Variants in UEVLD observed in about 807,000 individuals in gnomAD.
UEVLD encodes UEV and lactate/malate dehyrogenase domains, also known as ubiquitin-conjugating enzyme E2 variant 3.
Under a neutral mutation model 58.6 loss-of-function variants are expected in UEVLD, and 47 were observed. That is an observed-to-expected ratio of 0.80 (90% confidence interval 0.63 to 1.02). UEVLD has a LOEUF of 1.02. Among genes scored for constraint, UEVLD ranks in the 50% least tolerant of loss-of-function variants. UEVLD has a pLI of 0.00. For missense variants in UEVLD, 510 were observed against 550.6 expected, an observed-to-expected ratio of 0.93 and a Z score of 0.74; for synonymous variants, 197 against 195.3, an observed-to-expected ratio of 1.01 and a Z score of -0.07.
At chr11:18,575,032 AGTC>A (rs1852826983) in intron 3 of UEVLD, among the ~76,000 whole-genome samples, 1 of 152,208 alleles carries the variant, frequency 6.6e-6, no homozygotes, top group Non-Finnish European at 1.5e-5. Context: ...CTTTGAAAGA[AGTC>A]CCCCCAAAAT....
At chr11:18,536,659 T>C (rs1850810892) in intron 9 of UEVLD, 190 bp from the exon 10 acceptor site, 2 of 525,916 alleles carry the variant, frequency 3.8e-6, no homozygotes, top group African/African-American at 1.9e-5. Context: ...TGAGGAAAAC[T>C]CTGAACTACA....
intron 2 of UEVLD, 134 bp from the exon 3 acceptor site, chr11:18,575,546 C>T (rs1852863321): frequency 1.2e-6 from 1 of 807,778 alleles, no homozygotes. Context: ...TAAACATAAT[C>T]TAGGAATCGG....
At chr11:18,588,145 A>C (rs1421418147) in intron 1 of UEVLD, among the ~76,000 whole-genome samples, 1 of 152,214 alleles carries the variant, frequency 6.6e-6, no homozygotes, top group African/African-American at 2.4e-5. Context: ...GCTCACAGCA[A>C]GATTACGGTT....
intron 10 of UEVLD, among the ~76,000 whole-genome samples, chr11:18,536,195 T>A (rs1361977623): frequency 6.6e-6 from 1 of 152,242 alleles, no homozygotes; most frequent in African/African-American, 2.4e-5. Context: ...AAATGTCAAC[T>A]GTGTTATCTG....
At position 18,541,283 on chromosome 11, in the gene UEVLD, A is replaced by G. The variant is rs149735924; in HGVS notation, c.1060+3340T>C. Among the ~76,000 whole-genome samples the G allele has an allele frequency of 8.0e-3, 1,222 of 152,336 alleles. 5 individuals are homozygous for G. Among genetic ancestry groups the G allele is most frequent in the Non-Finnish European group, 0.012 (787 of 68,040 alleles). On this transcript the variant is annotated intron_variant, in intron 9 of 11. Transcript: ENST00000396197. The stretch of plus-strand genomic sequence containing the variant: ...ATCCAGTAGTTAAAAAGAATGAATG[A>G]GCTCTATGTTACTGTGCAATCATTC...
At chr11:18,537,324 A>ATATATTTTT (rs1160942409) in intron 9 of UEVLD, among the ~76,000 whole-genome samples, 1 of 131,572 alleles carries the variant, frequency 7.6e-6, no homozygotes, top group Non-Finnish European at 1.6e-5. Flanking sequence ...ATATATATAT[A>ATATATTTTT]TTTTTTTTTT....
intron 7 of UEVLD, among the ~76,000 whole-genome samples, chr11:18,556,497 A>G (rs1851762679): frequency 6.6e-6 from 1 of 152,218 alleles, no homozygotes; most frequent in African/African-American, 2.4e-5. Context: ...TGAGGCTTGT[A>G]ATACTGTATG....
intron 1 of UEVLD, among the ~76,000 whole-genome samples, chr11:18,584,009 T>C (rs1190122644): frequency 6.6e-6 from 1 of 152,138 alleles, no homozygotes; most frequent in Non-Finnish European, 1.5e-5. Flanking sequence ...CCGAGGTAAC[T>C]CAGCTGGAGG....
At chr11:18,586,507 G>C (rs749403527) in intron 1 of UEVLD, among the ~76,000 whole-genome samples, 1 of 151,988 alleles carries the variant, frequency 6.6e-6, no homozygotes, top group Non-Finnish European at 1.5e-5. Context: ...GTGAGCTACC[G>C]TGCCTGGCCT....
chr11:18,575,485 T>A, intron 2 of UEVLD, 73 bp from the exon 3 acceptor site: 1 of 1,410,302 alleles, frequency 7.1e-7, no homozygotes, highest in Non-Finnish European at 9.8e-7. Flanking sequence ...TATGTAAGTG[T>A]GCACATGTGT....
chr11:18,536,628 T>C, intron 9 of UEVLD, 159 bp from the exon 10 acceptor site: 1 of 598,594 alleles, frequency 1.7e-6, no homozygotes, highest in South Asian at 2.0e-5. Context: ...ACAATGAATG[T>C]GCTGTACCAC....
rs1182711003 is a variant in UEVLD at position 18,540,996 on chromosome 11, G to T, written c.1060+3627C>A. On this transcript the variant is annotated intron_variant, in intron 9 of 11. Transcript: ENST00000396197. ...AAGGTCATTTAATCAAATACAAACT[G>T]CTTTTTGGTAGGTTTTAAATTGTTC... is the stretch of plus-strand genomic sequence containing the variant. Among the ~76,000 whole-genome samples the T allele has an allele frequency of 3.9e-5, 6 of 152,156 alleles. No homozygotes were observed. In the East Asian group the frequency reaches 1.2e-3, roughly 29 times the overall value.
intron 8 of UEVLD, 93 bp from the exon 9 acceptor site, chr11:18,544,889 T>C: frequency 2.2e-6 from 2 of 925,560 alleles, no homozygotes; most frequent in Non-Finnish European, 3.0e-6. Flanking sequence ...ATAAGTATAT[T>C]AGGTCCTCAA....
intron 9 of UEVLD, among the ~76,000 whole-genome samples, chr11:18,537,327 T>A (rs35047705): frequency 0.61 from 81,859 of 133,392 alleles, 24,954 homozygotes; most frequent in Middle Eastern, 0.69. Context: ...TATATATATT[T>A]TTTTTTTTTT....
chr11:18,533,306 T>A (rs1161254391), intron 11 of UEVLD, among the ~76,000 whole-genome samples: 1 of 151,940 alleles, frequency 6.6e-6, no homozygotes. Context: ...AACCAACTGC[T>A]TTTCATTCTA....
At chr11:18,537,266 A>C (rs1433629773) in intron 9 of UEVLD, among the ~76,000 whole-genome samples, 1 of 150,842 alleles carries the variant, frequency 6.6e-6, no homozygotes, top group Non-Finnish European at 1.5e-5. Context: ...ATTTACAAAA[A>C]CAATTCAAAA....
At chr11:18,567,178 T>C (rs185470602) in intron 4 of UEVLD, among the ~76,000 whole-genome samples, 1 of 152,310 alleles carries the variant, frequency 6.6e-6, no homozygotes, top group African/African-American at 2.4e-5. Context: ...TTAACACTAA[T>C]AGTATCTAAT....
chr11:18,544,498 G>A, intron 9 of UEVLD, 125 bp downstream of exon 9: 6 of 958,300 alleles, frequency 6.3e-6, no homozygotes, highest in Non-Finnish European at 6.1e-6. Context: ...TGTAGAGATG[G>A]GGTCTTGCTA....
At chr11:18,579,350 A>G (rs1044333341) in intron 1 of UEVLD, 5 of 616,484 alleles carry the variant, frequency 8.1e-6, no homozygotes, top group Non-Finnish European at 1.0e-5. Flanking sequence ...TGAGTCATAT[A>G]GCAAGTTAAA....
Sources: allele counts gnomAD v4.1 joint callset (sites outside exome capture counted in the v4.1 genomes callset), GRCh38; gene constraint gnomAD v4.1.1; transcripts MANE v1.5; gene names NCBI Gene and HGNC (gene_info 2026-07-23, HGNC 2026-07-21).